Variants in TGM5 observed in about 807,000 individuals in gnomAD.
TGM5 encodes transglutaminase 5, also known as protein-glutamine gamma-glutamyltransferase 5.
In TGM5, 69 loss-of-function variants were observed where a neutral mutation model predicts 77.2. The ratio of observed to expected loss-of-function variants is 0.89; its 90% CI spans 0.74 to 1.09. The LOEUF (loss-of-function observed/expected upper bound fraction) is 1.09, where lower values mean the gene tolerates loss of function less well. Among genes scored for constraint, TGM5 ranks in the 50% least tolerant of loss-of-function variants. The pLI is 0.00. For synonymous variants in TGM5, 346 were observed against 351.8 expected (o/e 0.98, Z 0.18); for missense variants, 842 against 896.5 (o/e 0.94, Z 0.78).
intron 6 of TGM5, among the ~76,000 whole-genome samples, chr15:43,244,000 C>T (rs1247943804): frequency 6.6e-6 from 1 of 152,210 alleles, no homozygotes; most frequent in Non-Finnish European, 1.5e-5. Context: ...ACCCATGTCT[C>T]TCTGATCTCA....
At chr15:43,247,771 A>C (rs1337981541) in intron 6 of TGM5, 1 of 152,216 alleles carries the variant, frequency 6.6e-6, no homozygotes, top group Admixed American at 6.5e-5. Context: ...GCTTCACTTG[A>C]CTAGCCCTAA....
chr15:43,260,284 G>T lies in TGM5; in HGVS notation c.204C>A (p.Asp68Glu), dbSNP rs1210678939. ...ACACAGCCCGAGTCCCCAAGGCCAGGTCTGGCAGCGGTCCTAGGAGGGAAG... is the reference window on the plus strand; with the variant it reads ...ACACAGCCCGAGTCCCCAAGGCCAGTTCTGGCAGCGGTCCTAGGAGGGAAG... ...IFVVETGPLP[D>E]LALGTRAVFS... Residue 68 changes from aspartate to glutamate, a missense_variant, in exon 3 of 13, where the codon GAC becomes GAA. Asp to Glu is a conservative substitution (Grantham distance 45). This residue lies in a region of TGM5 where 815 missense variants were observed against 844.6 expected (regional missense o/e 0.96). Transcript: ENST00000220420. 1.2e-6 allele frequency: 2 copies of T among 1,614,088 alleles called. No individual in the cohort carries two copies. Among genetic ancestry groups the T allele is most frequent in the Admixed American group, 1.7e-5 (1 of 60,028 alleles).
chr15:43,241,064 T>A, intron 6 of TGM5, 74 bp from the exon 7 acceptor site: 1 of 1,591,060 alleles, frequency 6.3e-7, no homozygotes, highest in Non-Finnish European at 8.6e-7. Flanking sequence ...CTTTGGGGCC[T>A]GGACCTGGGG....
rs374027711 is a variant in TGM5, at chr15:43,252,567, C to T, written c.862+192G>A. Among the ~76,000 whole-genome samples the T allele has an allele frequency of 1.4e-4, 21 of 152,240 alleles. No individual in the cohort carries two copies. In the East Asian group the frequency reaches 3.1e-3, roughly 22 times the overall value. On this transcript the variant is annotated intron_variant, in intron 6 of 12. Transcript: ENST00000220420. The stretch of plus-strand genomic sequence containing the variant: ...TCCTGACCTTGGGATCCACCCACCT[C>T]GGGCTCCCAAAGTGCTGGGATTACA...
rs769449446 is a variant in TGM5, at chr15:43,253,619, T to C, written c.571A>G (p.Ile191Val). 1.9e-6 allele frequency: 3 copies of C among 1,613,528 alleles called. No individual in the cohort carries two copies. The Admixed American group carries it at 5.0e-5, about 27-fold the overall frequency. ...WNYGQFEDKI[I>V]DICLKLLDKS... ...TCTAGCAGCTTCAGGCAGATGTCTA[T>C]GATTTTGTCTTCAAACTTCGGGGGG... The change falls in exon 5 of 13, where the codon ATA becomes GTA. Residue 191 changes from isoleucine (I) to valine (V), a missense_variant. Physicochemically the swap from Ile to Val is conservative, Grantham distance 29. This residue lies in a region of TGM5 where 815 missense variants were observed against 844.6 expected (regional missense o/e 0.96). Transcript: ENST00000220420.
At chr15:43,262,726 G>A (rs1167482222) in intron 1 of TGM5, among the ~76,000 whole-genome samples, 2 of 152,234 alleles carry the variant, frequency 1.3e-5, no homozygotes, top group African/African-American at 4.8e-5. Flanking sequence ...GGAGGTTGCA[G>A]TGAGCCAAGA....
At chr15:43,233,385 G>A (rs534582043) in intron 12 of TGM5, 41 bp from the exon 13 acceptor site, 1 of 1,611,958 alleles carries the variant, frequency 6.2e-7, no homozygotes, top group East Asian at 2.2e-5. Context: ...CCAAAAGCAT[G>A]ATAATGACCC....
intron 4 of TGM5, among the ~76,000 whole-genome samples, chr15:43,255,913 G>T (rs1292603850): frequency 6.6e-6 from 1 of 152,230 alleles, no homozygotes; most frequent in Non-Finnish European, 1.5e-5. Context: ...AAAACAAAAT[G>T]TAGAGGAACA....
chr15:43,233,805 G>T, intron 11 of TGM5, 118 bp from the exon 12 acceptor site: 1 of 1,215,868 alleles, frequency 8.2e-7, no homozygotes, highest in Non-Finnish European at 1.2e-6. Context: ...TGCCACTTTG[G>T]CATAAGAATT....
chr15:43,260,428 C>A lies in TGM5; in HGVS notation c.162G>T (p.Leu54=). 3 of 1,614,200 alleles carry A rather than the reference C, an allele frequency of 1.9e-6. No homozygotes were observed. The highest frequency in any genetic ancestry group is 2.2e-5 in the East Asian group (1 of 44,872). Residue 54 remains leucine, a synonymous_variant, in exon 2 of 13, where the codon CTG becomes CTT. Coordinates refer to ENST00000220420, the MANE Select transcript of TGM5 (RefSeq NM_201631.4). ...YFRNRSFQPG[L]DNIIFVVETG... ...TTTCAACCACGAAGATGATGTTGTC[C>A]AGGCCTGGCTGGAAGCTCCGGTTCC... is the stretch of plus-strand genomic sequence containing the variant.
intron 10 of TGM5, 37 bp downstream of exon 10, chr15:43,235,432 A>C: frequency 1.2e-6 from 2 of 1,613,854 alleles, no homozygotes; most frequent in Non-Finnish European, 1.7e-6. Flanking sequence ...ACATTGCCAA[A>C]ACCAACTCTG....
intron 1 of TGM5, among the ~76,000 whole-genome samples, chr15:43,264,659 T>C (rs1376748666): frequency 1.3e-5 from 2 of 152,284 alleles, no homozygotes; most frequent in East Asian, 3.9e-4. Flanking sequence ...GATTTCTTTT[T>C]GAGGTAATGA....
rs534902907 is a variant in TGM5 at position 43,235,172 on chromosome 15, A to G, written c.1715-243T>C. ...GAAGGTCTCAGAGACTCCAAATCTC[A>G]GGCTTTTTCTGCAAAACCAGCTACT... On this transcript the variant is annotated intron_variant, in intron 10 of 12. Coordinates refer to ENST00000220420, the MANE Select transcript of TGM5 (RefSeq NM_201631.4). Among the ~76,000 whole-genome samples, 13 of 151,938 alleles carry G rather than the reference A, an allele frequency of 8.6e-5. No homozygotes were observed. In the East Asian group the frequency reaches 2.5e-3, roughly 30 times the overall value.
chr15:43,250,724 A>G (rs1224830631), intron 6 of TGM5, among the ~76,000 whole-genome samples: 1 of 152,118 alleles, frequency 6.6e-6, no homozygotes, highest in Non-Finnish European at 1.5e-5. Context: ...CTGGTGTAGA[A>G]TAAGGACTCA....
At position 43,261,072 on chromosome 15, in the gene TGM5, G is replaced by GTTTTTTTTTTTTTTTTTTTT. The variant is rs1566837432; in HGVS notation, c.11-494_11-493insAAAAAAAAAAAAAAAAAAAA. Among the ~76,000 whole-genome samples the GTTTTTTTTTTTTTTTTTTTT allele has an allele frequency of 5.6e-5, 3 of 53,870 alleles. 1 individual carries two copies. Among genetic ancestry groups the GTTTTTTTTTTTTTTTTTTTT allele is most frequent in the African/African-American group, 1.7e-4 (3 of 17,474 alleles). The allele number at this position is 53,870 out of a possible 152,430, so 35.3% of individuals were successfully genotyped here. A position where few individuals can be genotyped will look rare whatever the true frequency, so the allele number is the denominator to read the frequency against. Reference sequence around the variant, plus strand: ...CTAGCTGCTCTTCCTTTTTTTGTGTGTGTGTTTTTTTTTTTTTTTTTTTTT... The same window carrying GTTTTTTTTTTTTTTTTTTTT: ...CTAGCTGCTCTTCCTTTTTTTGTGTGTTTTTTTTTTTTTTTTTTTTTGTGTTTTTTTTTTTTTTTTTTTTT... On this transcript the variant is annotated intron_variant, in intron 1 of 12. Transcript: ENST00000220420.
At position 43,233,143 on chromosome 15, in the gene TGM5, C is replaced by T. The variant is rs752548295; in HGVS notation, c.*48G>A. The T allele has an allele frequency of 9.3e-6, 15 of 1,611,556 alleles. No individual in the cohort carries two copies. The highest frequency in any genetic ancestry group is 1.3e-5 in the Non-Finnish European group (15 of 1,178,934). On this transcript the variant is annotated 3_prime_UTR_variant, in exon 13 of 13. Coordinates refer to ENST00000220420, the MANE Select transcript of TGM5 (RefSeq NM_201631.4). Reference sequence around the variant, plus strand: ...GCGCAGCTTGCATTTGAACTTGCTCCTTTTCCTGAAGCTTGAAATTCACAC... The same window carrying T: ...GCGCAGCTTGCATTTGAACTTGCTCTTTTTCCTGAAGCTTGAAATTCACAC...
intron 1 of TGM5, among the ~76,000 whole-genome samples, chr15:43,261,575 T>G (rs1041993316): frequency 2.0e-5 from 3 of 152,178 alleles, no homozygotes; most frequent in African/African-American, 7.2e-5. Flanking sequence ...AGGGTCTGTT[T>G]TTGATTTTTC....
Position 43,232,920 on chromosome 15 carries a change from A to G in TGM5, c.*271T>C, listed in dbSNP as rs949002799. 2.2e-6 allele frequency: 1 copy of G among 461,186 alleles called. No individual in the cohort carries two copies. The highest frequency in any genetic ancestry group is 4.0e-6 in the Non-Finnish European group (1 of 251,916). The allele number at this position is 461,186 out of a possible 1,614,324, so 28.6% of individuals were successfully genotyped here. A position where few individuals can be genotyped will look rare whatever the true frequency, so the allele number is the denominator to read the frequency against. ...CTCTGGATGCTGGAGTCTCCTATTC[A>G]TTCATTCAAAAAATATTTGTTGAGT... On this transcript the variant is annotated 3_prime_UTR_variant, in exon 13 of 13. Coordinates refer to ENST00000220420, the MANE Select transcript of TGM5 (RefSeq NM_201631.4).
rs2042575269 is a variant in TGM5 at position 43,234,807 on chromosome 15, TG to T, written c.1836del (p.Asn612LysfsTer16). The T allele has an allele frequency of 1.2e-6, 2 of 1,614,136 alleles. No homozygotes were observed. Among genetic ancestry groups the T allele is most frequent in the Non-Finnish European group, 1.7e-6 (2 of 1,180,054 alleles). On this transcript the variant is annotated frameshift_variant, in exon 11 of 13. Transcript: ENST00000220420. LOFTEE classifies it high-confidence loss of function. ...CTTGGATAAGATAAGGTGATGATCT[TG>T]TTCACCAGGATTTTCTCAGGACTGC... ...EKSSPEKILV[N>X]KIITLSYPSI...
Sources: allele counts gnomAD v4.1 joint callset (sites outside exome capture counted in the v4.1 genomes callset), GRCh38; gene constraint gnomAD v4.1.1; regional missense constraint gnomAD v4.1.1; transcripts MANE v1.5; gene names NCBI Gene and HGNC (gene_info 2026-07-23, HGNC 2026-07-21).